Variants in FER observed in about 807,000 individuals in gnomAD.
FER encodes the protein FER tyrosine kinase.
FER carries 63 observed loss-of-function variants against 111.0 expected under a neutral mutation model. That is an observed-to-expected ratio of 0.57 (90% CI 0.46 to 0.70). The LOEUF is 0.70. FER is among the 30% of genes least tolerant of loss of function. FER has a pLI of 0.00. For synonymous variants in FER, 327 were observed against 313.9 expected, an observed-to-expected ratio of 1.04 and a Z score of -0.44; for missense variants, 914 against 954.0, an observed-to-expected ratio of 0.96 and a Z score of 0.55.
At chr5:109,170,370 T>C (rs2126793732) in intron 17 of FER, among the ~76,000 whole-genome samples, 1 of 152,270 alleles carries the variant, frequency 6.6e-6, no homozygotes, top group South Asian at 2.1e-4. Flanking sequence ...AGTATAACTT[T>C]TATCAAGATA....
chr5:108,968,557 C>T (rs1357215033), intron 13 of FER, among the ~76,000 whole-genome samples: 1 of 151,928 alleles, frequency 6.6e-6, no homozygotes, highest in Non-Finnish European at 1.5e-5. Context: ...AAATTCAGAG[C>T]CTTAAGTACT....
chr5:108,761,616 G>A (rs1162247389), intron 1 of FER, among the ~76,000 whole-genome samples: 1 of 152,210 alleles, frequency 6.6e-6, no homozygotes, highest in Non-Finnish European at 1.5e-5. Context: ...GGCGTGAAAT[G>A]TGTATATGCT....
intron 17 of FER, among the ~76,000 whole-genome samples, chr5:109,173,764 C>CG (rs1757397377): frequency 6.7e-6 from 1 of 148,394 alleles, no homozygotes. Flanking sequence ...CCTCCCCCCC[C>CG]CCCACAAGTA....
chr5:108,788,164 C>T (rs1262360804), intron 2 of FER, among the ~76,000 whole-genome samples: 3 of 152,176 alleles, frequency 2.0e-5, no homozygotes, highest in East Asian at 3.9e-4. Context: ...CTGGTGCCAT[C>T]GTTTTCCCCC....
At chr5:109,121,391 C>G (rs953191731) in intron 17 of FER, among the ~76,000 whole-genome samples, 1 of 152,058 alleles carries the variant, frequency 6.6e-6, no homozygotes, top group Admixed American at 6.6e-5. Flanking sequence ...TGTGATATGT[C>G]ACATTGATCG....
chr5:108,814,216 A>C (rs986387846), intron 3 of FER, among the ~76,000 whole-genome samples: 94 of 152,190 alleles, frequency 6.2e-4, no homozygotes, highest in African/African-American at 2.2e-3. Context: ...GAGAAATCAC[A>C]TGAACCTGTG....
intron 5 of FER, among the ~76,000 whole-genome samples, chr5:108,859,344 G>A (rs1763292282): frequency 6.6e-6 from 1 of 151,360 alleles, no homozygotes; most frequent in Non-Finnish European, 1.5e-5. Flanking sequence ...TCTTCACCCC[G>A]ACCCCTGCCT....
At chr5:108,882,694 C>G (rs941741461) in intron 8 of FER, among the ~76,000 whole-genome samples, 5 of 151,098 alleles carry the variant, frequency 3.3e-5, no homozygotes, top group African/African-American at 1.2e-4. Context: ...TCTTTTTTGT[C>G]TTTTGGGTTT....
At chr5:109,001,782 A>G (rs1764810433) in intron 13 of FER, among the ~76,000 whole-genome samples, 1 of 152,238 alleles carries the variant, frequency 6.6e-6, no homozygotes, top group East Asian at 1.9e-4. Flanking sequence ...CAACTTCAGC[A>G]AAGTCTCAGG....
chr5:109,090,233 C>T (rs1340450759), intron 16 of FER, among the ~76,000 whole-genome samples: 1 of 152,042 alleles, frequency 6.6e-6, no homozygotes, highest in South Asian at 2.1e-4. Flanking sequence ...ATTACAAGCT[C>T]TTAAAAAAGA....
chr5:108,853,388 C>A (rs191670997), intron 5 of FER, among the ~76,000 whole-genome samples: 1 of 151,988 alleles, frequency 6.6e-6, no homozygotes, highest in Admixed American at 6.5e-5. Context: ...ATAGCTGATT[C>A]ATAAAATAAA....
intron 16 of FER, among the ~76,000 whole-genome samples, chr5:109,061,613 A>C (rs1418189446): frequency 3.9e-5 from 6 of 152,176 alleles, no homozygotes; most frequent in Non-Finnish European, 8.8e-5. Flanking sequence ...TCTGTGCAAG[A>C]TACTCTGTGG....
chr5:109,163,981 C>T (rs746185254), intron 17 of FER, among the ~76,000 whole-genome samples: 4 of 152,164 alleles, frequency 2.6e-5, no homozygotes, highest in Non-Finnish European at 5.9e-5. Flanking sequence ...TTCCTTATTG[C>T]ATAGTGGTTG....
intron 5 of FER, among the ~76,000 whole-genome samples, chr5:108,860,268 T>C (rs1763391826): frequency 6.6e-6 from 1 of 152,084 alleles, no homozygotes; most frequent in Non-Finnish European, 1.5e-5. Context: ...TAATGCTTTA[T>C]AGGAGCATAT....
intron 8 of FER, among the ~76,000 whole-genome samples, chr5:108,881,998 T>C (rs933666198): frequency 8.5e-5 from 13 of 152,164 alleles, no homozygotes; most frequent in African/African-American, 2.9e-4. Flanking sequence ...TGCCTTTTAA[T>C]TTAAAATTGT....
intron 3 of FER, among the ~76,000 whole-genome samples, chr5:108,802,532 T>C (rs933014395): frequency 6.6e-6 from 1 of 151,992 alleles, no homozygotes; most frequent in African/African-American, 2.4e-5. Context: ...TAATATTCTG[T>C]AGTGCCCATT....
chr5:109,068,258 A>T (rs1361898142), intron 16 of FER, among the ~76,000 whole-genome samples: 1 of 151,064 alleles, frequency 6.6e-6, no homozygotes, highest in African/African-American at 2.4e-5. Flanking sequence ...GAGTCCGCTC[A>T]CTGCACCCTC....
At chr5:108,980,797 T>C (rs1218444432) in intron 13 of FER, among the ~76,000 whole-genome samples, 1 of 152,168 alleles carries the variant, frequency 6.6e-6, no homozygotes, top group African/African-American at 2.4e-5. Flanking sequence ...CCTCTGTGGG[T>C]CTGACCCTAT....
rs188022533 is a variant in FER, at chr5:109,024,894, T to A, written c.1657-12528T>A. Among the ~76,000 whole-genome samples the A allele has an allele frequency of 2.6e-3, 389 of 150,974 alleles. 3 individuals are homozygous for A. The highest frequency in any genetic ancestry group is 8.9e-3 in the African/African-American group (368 of 41,336). ...AATAGGGAATCCTTTCCCCATTGCT[T>A]GTTTTTCTCAGGTTTGTCAAAGATC... On this transcript the variant is annotated intron_variant, in intron 13 of 19. Transcript: ENST00000281092.
Sources: allele counts gnomAD v4.1 joint callset (sites outside exome capture counted in the v4.1 genomes callset), GRCh38; gene constraint gnomAD v4.1.1; transcripts MANE v1.5; gene names NCBI Gene and HGNC (gene_info 2026-07-23, HGNC 2026-07-21).